GRM8: variants seen among roughly 807,000 people sequenced by gnomAD.
GRM8 encodes metabotropic glutamate receptor 8.
GRM8 carries 47 observed loss-of-function variants against 87.2 expected under a neutral mutation model. The ratio of observed to expected loss-of-function variants is 0.54; its 90% CI spans 0.43 to 0.69. The LOEUF (loss-of-function observed/expected upper bound fraction) is 0.69. Among genes scored for constraint, GRM8 ranks in the 30% least tolerant of loss-of-function variants. The probability of loss-of-function intolerance (pLI) is 0.00; values close to 1 mark genes in which losing one functional copy is unlikely to be tolerated. For synonymous variants in GRM8, 396 were observed against 404.5 expected, an observed-to-expected ratio of 0.98 and a Z score of 0.25; for missense variants, 1,019 against 1,139.2, an observed-to-expected ratio of 0.89 and a Z score of 1.52.
intron 7 of GRM8, among the ~76,000 whole-genome samples, chr7:126,641,943 C>G (rs1199879975): frequency 6.6e-6 from 1 of 152,178 alleles, no homozygotes; most frequent in Non-Finnish European, 1.5e-5. Flanking sequence ...AGTTACACCT[C>G]ATTGGCAAGA....
Position 126,811,157 on chromosome 7 carries a change from T to C in GRM8, c.1157-41092A>G, listed in dbSNP as rs1793250283. Among the ~76,000 whole-genome samples the C allele has an allele frequency of 1.3e-5, 2 of 152,178 alleles. 1 individual carries two copies. The highest frequency in any genetic ancestry group is 4.1e-4 in the South Asian group (2 of 4,826). On this transcript the variant is annotated intron_variant, in intron 6 of 10. Transcript: ENST00000339582. ...TTCCCAATGTATGTTCTTGTAGACT[T>C]TGTCAAAGATTGATTGGCTGTAAGT... is the stretch of plus-strand genomic sequence containing the variant.
intron 6 of GRM8, among the ~76,000 whole-genome samples, chr7:126,827,735 C>T (rs576152542): frequency 9.9e-5 from 15 of 152,160 alleles, no homozygotes; most frequent in Non-Finnish European, 2.1e-4. Flanking sequence ...CTGGCCAGAA[C>T]TTCCAACACT....
At chr7:127,226,095 A>T (rs1458830279) in intron 2 of GRM8, among the ~76,000 whole-genome samples, 2 of 152,214 alleles carry the variant, frequency 1.3e-5, no homozygotes, top group African/African-American at 4.8e-5. Flanking sequence ...CAGTAGTGGC[A>T]CTGGTAACTT....
chr7:126,444,390 T>C (rs987179368), intron 10 of GRM8, among the ~76,000 whole-genome samples: 3 of 152,094 alleles, frequency 2.0e-5, no homozygotes, highest in Non-Finnish European at 4.4e-5. Context: ...CTAAAGCCCA[T>C]CCTTACCTTG....
intron 2 of GRM8, among the ~76,000 whole-genome samples, chr7:127,209,349 C>T (rs770966513): frequency 3.3e-5 from 5 of 152,190 alleles, no homozygotes; most frequent in Admixed American, 6.5e-5. Flanking sequence ...ATACACTGTC[C>T]AGTATGAAAC....
At chr7:126,764,823 C>T (rs1818016888) in intron 7 of GRM8, among the ~76,000 whole-genome samples, 1 of 152,054 alleles carries the variant, frequency 6.6e-6, no homozygotes, top group African/African-American at 2.4e-5. Flanking sequence ...CCAATTATCA[C>T]AGATCCTTCC....
chr7:126,663,673 A>T (rs936233894), intron 7 of GRM8, among the ~76,000 whole-genome samples: 3 of 152,198 alleles, frequency 2.0e-5, no homozygotes, highest in Admixed American at 2.0e-4. Flanking sequence ...TGACAAACTC[A>T]CAGCCAACAT....
intron 7 of GRM8, among the ~76,000 whole-genome samples, chr7:126,675,263 C>G (rs1248286542): frequency 6.6e-6 from 1 of 151,968 alleles, no homozygotes; most frequent in African/African-American, 2.4e-5. Flanking sequence ...AATCTCCCTA[C>G]AAAACAAAAA....
intron 7 of GRM8, among the ~76,000 whole-genome samples, chr7:126,744,006 C>T (rs1020082577): frequency 6.6e-6 from 1 of 152,030 alleles, no homozygotes; most frequent in Non-Finnish European, 1.5e-5. Context: ...ATATTCCTCA[C>T]TGCTACACAC....
chr7:126,927,622 A>G (rs962205064), intron 3 of GRM8, among the ~76,000 whole-genome samples: 2 of 152,234 alleles, frequency 1.3e-5, no homozygotes, highest in African/African-American at 4.8e-5. Flanking sequence ...AAAAAAGCTC[A>G]TCATCAATGG....
rs1383679460 is a variant in GRM8 at position 126,609,420 on chromosome 7, G to A, written c.1436C>T (p.Thr479Ile). ...GRYDIFQYQI[T>I]NKSTEYKVIG... The stretch of plus-strand genomic sequence containing the variant: ...GACTTTGTACTCTGTGCTTTTGTTG[G>A]TTATTTGATACTGGAAGATATCATA... Residue 479 changes from threonine (T) to isoleucine (I), a missense_variant, in exon 8 of 11, where the codon ACC becomes ATC. Physicochemically the swap from Thr to Ile is moderately conservative, Grantham distance 89. Coordinates refer to ENST00000339582, the MANE Select transcript of GRM8 (RefSeq NM_000845.3). The A allele has an allele frequency of 6.2e-7, 1 of 1,613,200 alleles. No individual in the cohort carries two copies. Among genetic ancestry groups the A allele is most frequent in the Admixed American group, 1.7e-5 (1 of 60,016 alleles).
At chr7:126,839,673 T>C (rs192281347) in intron 6 of GRM8, among the ~76,000 whole-genome samples, 2 of 152,188 alleles carry the variant, frequency 1.3e-5, no homozygotes, top group East Asian at 1.9e-4. Context: ...GGAAAAGAAA[T>C]TGGGCTTAAA....
chr7:126,829,602 A>G (rs1217280480), intron 6 of GRM8, among the ~76,000 whole-genome samples: 1 of 151,882 alleles, frequency 6.6e-6, no homozygotes, highest in Non-Finnish European at 1.5e-5. Flanking sequence ...GTGTCACTGC[A>G]CATGAGATGG....
chr7:127,060,062 A>G (rs1165404733), intron 3 of GRM8, among the ~76,000 whole-genome samples: 1 of 152,232 alleles, frequency 6.6e-6, no homozygotes, highest in Non-Finnish European at 1.5e-5. Flanking sequence ...ATAATCCTCA[A>G]GAGGTGTTTA....
chr7:126,755,594 C>T (rs1342958611), intron 7 of GRM8, among the ~76,000 whole-genome samples: 2 of 151,854 alleles, frequency 1.3e-5, no homozygotes, highest in African/African-American at 2.4e-5. Context: ...TGACAGCTGT[C>T]GTTAACAACT....
chr7:126,825,271 C>T (rs760387042), intron 6 of GRM8, among the ~76,000 whole-genome samples: 44 of 151,994 alleles, frequency 2.9e-4, no homozygotes, highest in Non-Finnish European at 5.4e-4. Context: ...TTTCACCATG[C>T]TAGCCAGGAT....
intron 8 of GRM8, among the ~76,000 whole-genome samples, chr7:126,592,323 A>G (rs1357837140): frequency 1.3e-5 from 2 of 151,622 alleles, no homozygotes; most frequent in Non-Finnish European, 3.0e-5. Flanking sequence ...AAACACTACA[A>G]AAAAAAAGAA....
chr7:126,477,858 C>T (rs1250429481), intron 9 of GRM8, among the ~76,000 whole-genome samples: 1 of 152,092 alleles, frequency 6.6e-6, no homozygotes. Flanking sequence ...ACAACAGAAG[C>T]TTCTTTTGTT....
At chr7:126,930,027 T>C (rs144892453) in intron 3 of GRM8, among the ~76,000 whole-genome samples, 192 of 152,306 alleles carry the variant, frequency 1.3e-3, no homozygotes, top group African/African-American at 4.4e-3. Flanking sequence ...TAAAGATGAA[T>C]GTGGAGTCTC....
Sources: gnomAD v4.1 joint callset for allele counts (sites outside exome capture counted in the v4.1 genomes callset) on GRCh38, gnomAD v4.1.1 for gene constraint, MANE v1.5 for transcripts, NCBI Gene and HGNC (gene_info 2026-07-23, HGNC 2026-07-21) for gene names.